Variants in DNA2 observed in about 807,000 individuals in gnomAD.
The protein encoded by DNA2 is DNA replication helicase/nuclease 2.
Under a neutral mutation model 119.1 loss-of-function variants are expected in DNA2, and 101 were observed. That is an observed-to-expected ratio of 0.85 (90% CI 0.72 to 1.00). The LOEUF is 1.00. Ranked by LOEUF, DNA2 falls within the 50% of genes least tolerant of loss-of-function variation. The pLI, the probability that DNA2 is intolerant of heterozygous loss-of-function variation, is 0.00. For synonymous variants in DNA2, 366 were observed against 424.4 expected (o/e 0.86, Z 1.69); for missense variants, 1,121 against 1,255.5 (o/e 0.89, Z 1.62).
intron 5 of DNA2, among the ~76,000 whole-genome samples, chr10:68,455,835 A>ACAAAT (rs2052175540): frequency 8.8e-6 from 1 of 113,722 alleles, no homozygotes; most frequent in Non-Finnish European, 2.2e-5. Context: ...ACAAAACAAA[A>ACAAAT]CAAACAAACA....
intron 1 of DNA2, 74 bp downstream of exon 1, chr10:68,471,717 G>C (rs2052383933): frequency 6.8e-7 from 1 of 1,469,816 alleles, no homozygotes; most frequent in Non-Finnish European, 9.0e-7. Flanking sequence ...CTGAGGCGGT[G>C]CGGACGCAGC....
chr10:68,414,970 G>T lies in DNA2; in HGVS notation c.*69C>A. ...CTGCATTAAATTTTGTATGGTGATAGAATTTTCTGTATGGGCACTAGCTAG... is the reference window on the plus strand; with the variant it reads ...CTGCATTAAATTTTGTATGGTGATATAATTTTCTGTATGGGCACTAGCTAG... On this transcript the variant is annotated 3_prime_UTR_variant, in exon 21 of 21. Transcript: ENST00000358410. The T allele has an allele frequency of 1.0e-6, 1 of 987,526 alleles. No individual in the cohort carries two copies. Among genetic ancestry groups the T allele is most frequent in the Non-Finnish European group, 1.5e-6 (1 of 662,756 alleles). 61.2% of individuals were successfully genotyped at this position (987,526 alleles called of 1,614,324 possible). A position where few individuals can be genotyped will look rare whatever the true frequency, so the allele number is the denominator to read the frequency against.
intron 9 of DNA2, among the ~76,000 whole-genome samples, chr10:68,440,543 C>G (rs1021097922): frequency 6.6e-6 from 1 of 151,896 alleles, no homozygotes; most frequent in African/African-American, 2.4e-5. Flanking sequence ...GTGATCCACC[C>G]TCCTTGGCCT....
At chr10:68,429,586 C>A (rs1157261278) in intron 14 of DNA2, among the ~76,000 whole-genome samples, 1 of 147,104 alleles carries the variant, frequency 6.8e-6, no homozygotes, top group Non-Finnish European at 1.5e-5. Flanking sequence ...GTGGCGGGTG[C>A]CTGTAGTCCC....
chr10:68,465,397 A>C (rs1047886217), intron 4 of DNA2, among the ~76,000 whole-genome samples: 1 of 152,148 alleles, frequency 6.6e-6, no homozygotes, highest in Non-Finnish European at 1.5e-5. Context: ...TTCTAGAACT[A>C]ATGCAAAAAA....
At chr10:68,466,795 G>C (rs182245245) in intron 3 of DNA2, among the ~76,000 whole-genome samples, 2 of 152,154 alleles carry the variant, frequency 1.3e-5, no homozygotes, top group East Asian at 3.9e-4. Context: ...CAGCCAGGAT[G>C]GTCTTGATCT....
chr10:68,451,716 T>C (rs2052120608), intron 5 of DNA2, among the ~76,000 whole-genome samples: 1 of 152,100 alleles, frequency 6.6e-6, no homozygotes, highest in African/African-American at 2.4e-5. Context: ...GTTCATATTA[T>C]TATGGTCAAC....
chr10:68,460,263 T>C (rs2052239475), intron 4 of DNA2, among the ~76,000 whole-genome samples: 3 of 151,742 alleles, frequency 2.0e-5, no homozygotes, highest in Admixed American at 6.6e-5. Context: ...CACACCACCA[T>C]GCTAAGGTAA....
Position 68,422,349 on chromosome 10 carries a change from A to G in DNA2, c.2573T>C (p.Ile858Thr). 1.2e-6 allele frequency: 2 copies of G among 1,613,920 alleles called. No homozygotes were observed. Among genetic ancestry groups the G allele is most frequent in the Non-Finnish European group, 1.7e-6 (2 of 1,179,860 alleles). The change falls in exon 17 of 21, where the codon ATA becomes ACA. Residue 858 changes from isoleucine (I) to threonine (T), a missense_variant. Physicochemically the swap from Ile to Thr is moderately conservative, Grantham distance 89. Transcript: ENST00000358410. ...CGSDKVANAV[I>T]NLRHFKDVKL... is the part of the protein sequence containing the mutation. ...CACATCTTTAAAGTGACGTAGGTTT[A>G]TCACTGCATTGGCCACTTTGTCTGA...
rs200945017 is a variant in DNA2 at position 68,446,430 on chromosome 10, A to G, written c.940-17T>C. On this transcript the variant is annotated splice_polypyrimidine_tract_variant and intron_variant, in intron 6 of 20. Coordinates refer to ENST00000358410, the MANE Select transcript of DNA2 (RefSeq NM_001080449.3). Reference sequence around the variant, plus strand: ...CAGAACAACCTGTGCAAACATTGACATTTGCTCAAACAAAACTATAACTTC... The same window carrying G: ...CAGAACAACCTGTGCAAACATTGACGTTTGCTCAAACAAAACTATAACTTC... 53 of 1,455,508 alleles carry G rather than the reference A, an allele frequency of 3.6e-5. No homozygotes were observed. The highest frequency in any genetic ancestry group is 4.6e-5 in the Non-Finnish European group (49 of 1,064,612). The allele number at this position is 1,455,508 out of a possible 1,614,324, so 90.2% of individuals were successfully genotyped here.
chr10:68,437,350 T>C lies in DNA2; in HGVS notation c.1416-109A>G, dbSNP rs575202524. On this transcript the variant is annotated intron_variant, in intron 9 of 20. Coordinates refer to ENST00000358410, the MANE Select transcript of DNA2 (RefSeq NM_001080449.3). Reference sequence around the variant, plus strand: ...TTCATCTGACTCCTAAAAATTATTATTGAGGCCGGGTGTGGTGGCTCACGC... The same window carrying C: ...TTCATCTGACTCCTAAAAATTATTACTGAGGCCGGGTGTGGTGGCTCACGC... 359 of 980,536 alleles carry C rather than the reference T, an allele frequency of 3.7e-4. 3 individuals carry two copies. Among genetic ancestry groups the C allele is most frequent in the Middle Eastern group, 3.0e-3 (12 of 4,026 alleles). The allele number at this position is 980,536 out of a possible 1,614,324, so 60.7% of individuals were successfully genotyped here.
rs12358589 is a variant in DNA2 at position 68,464,114 on chromosome 10, G to A, written c.587+1553C>T. On this transcript the variant is annotated intron_variant, in intron 4 of 20. Coordinates refer to ENST00000358410, the MANE Select transcript of DNA2 (RefSeq NM_001080449.3). The stretch of plus-strand genomic sequence containing the variant: ...GTTTGAAATCAGGCAGTTTCCAGTT[G>A]ATTAAAAATGATGTAGATGACCATA... Among the ~76,000 whole-genome samples the A allele has an allele frequency of 7.5e-3, 1,137 of 152,276 alleles. 8 individuals carry two copies. Among genetic ancestry groups the A allele is most frequent in the South Asian group, 0.014 (67 of 4,822 alleles).
chr10:68,472,302 GC>G (rs1413677501), upstream of DNA2, among the ~76,000 whole-genome samples: 1 of 152,154 alleles, frequency 6.6e-6, no homozygotes, highest in Non-Finnish European at 1.5e-5. Context: ...ATTTGTAGTT[GC>G]CCAAAACCAG....
intron 8 of DNA2, among the ~76,000 whole-genome samples, chr10:68,444,321 C>T (rs1174610937): frequency 2.0e-5 from 3 of 150,110 alleles, no homozygotes; most frequent in Non-Finnish European, 4.4e-5. Context: ...ACTAGGGAGG[C>T]GGAGGTTGCA....
intron 3 of DNA2, 86 bp downstream of exon 3, chr10:68,468,037 G>A (rs1187195350): frequency 9.9e-7 from 1 of 1,008,506 alleles, no homozygotes; most frequent in Non-Finnish European, 1.4e-6. Flanking sequence ...TAGGGTTGCT[G>A]GGAGGATTAA....
In DNA2 at chr10:68,432,219, G is replaced by A. The variant is rs1017867198; in HGVS notation, c.1860C>T (p.Ala620=). The change falls in exon 12 of 21, where the codon GCC becomes GCT. Residue 620 remains alanine (A), a synonymous_variant. Transcript: ENST00000358410. ...ATTTTAGCATACCCTTTAGAATGCA[G>A]GCAACTGTATCCTTTGCATCATGTG... ...VLPHDAKDTV[A]CILKGLNKPQ... is the part of the protein sequence containing the mutation. 6.3e-7 allele frequency: 1 copy of A among 1,583,464 alleles called. No individual in the cohort carries two copies. Among genetic ancestry groups the A allele is most frequent in the African/African-American group, 1.4e-5 (1 of 73,288 alleles).
intron 9 of DNA2, among the ~76,000 whole-genome samples, chr10:68,437,574 C>T (rs548628027): frequency 6.6e-5 from 10 of 152,090 alleles, no homozygotes; most frequent in East Asian, 5.8e-4. Flanking sequence ...CACTTGAACC[C>T]GGGAGGTGAA....
intron 1 of DNA2, chr10:68,470,747 T>TTA: frequency 6.1e-6 from 2 of 329,640 alleles, no homozygotes; most frequent in South Asian, 4.8e-5. Context: ...AATATGAGAC[T>TTA]TATGTTACGG....
At position 68,444,143 on chromosome 10, in the gene DNA2, G is replaced by C. The variant is rs2052006255; in HGVS notation, c.1220+778C>G. Among the ~76,000 whole-genome samples, 3 of 151,640 alleles carry C rather than the reference G, an allele frequency of 2.0e-5. No individual in the cohort carries two copies. In the South Asian group the frequency reaches 6.3e-4, roughly 32 times the overall value. On this transcript the variant is annotated intron_variant, in intron 8 of 20. Coordinates refer to ENST00000358410, the MANE Select transcript of DNA2 (RefSeq NM_001080449.3). ...GCAGTGGTTCATGCCTGTAATCCCA[G>C]CACTTTGGGAGGCCGAGGTGGGCGG...
Sources: allele counts gnomAD v4.1 joint callset (sites outside exome capture counted in the v4.1 genomes callset), GRCh38; gene constraint gnomAD v4.1.1; transcripts MANE v1.5; gene names NCBI Gene and HGNC (gene_info 2026-07-23, HGNC 2026-07-21).